Variants in RNF180 observed in about 807,000 individuals in gnomAD.
RNF180 encodes ring finger protein 180, also known as E3 ubiquitin-protein ligase RNF180.
RNF180 carries 38 observed loss-of-function variants against 59.2 expected under a neutral mutation model. The ratio of observed to expected loss-of-function variants is 0.64; its 90% confidence interval spans 0.50 to 0.84. The LOEUF (loss-of-function observed/expected upper bound fraction) is 0.84, where lower values mean the gene tolerates loss of function less well. Ranked by LOEUF, RNF180 falls within the 40% of genes least tolerant of loss-of-function variation. The pLI, the probability that RNF180 is intolerant of heterozygous loss-of-function variation, is 0.00. For synonymous variants in RNF180, 262 were observed against 240.3 expected (o/e 1.09, Z -0.84); for missense variants, 705 against 700.9 (o/e 1.01, Z -0.07).
chr5:64,349,410 C>CT (rs57419146), intron 7 of RNF180, among the ~76,000 whole-genome samples: 32,995 of 139,118 alleles, frequency 0.24, 4,391 homozygotes, highest in African/African-American at 0.38. Context: ...AGTCTTCTTT[C>CT]TTTTTTTTTT....
At chr5:64,260,696 G>C (rs555168536) in intron 5 of RNF180, among the ~76,000 whole-genome samples, 3 of 152,100 alleles carry the variant, frequency 2.0e-5, no homozygotes, top group South Asian at 2.1e-4. Flanking sequence ...TCAATTTAGG[G>C]TTGAACCATG....
chr5:64,248,595 G>A (rs1414109783), intron 5 of RNF180, among the ~76,000 whole-genome samples: 1 of 152,176 alleles, frequency 6.6e-6, no homozygotes, highest in Non-Finnish European at 1.5e-5. Flanking sequence ...TCATTAAAAA[G>A]TCAGGAATCA....
In RNF180 at chr5:64,364,667, A is replaced by G. The variant is rs915937827; in HGVS notation, c.1580-4948A>G. 2.0e-5 allele frequency among the ~76,000 whole-genome samples: 3 copies of G among 151,746 alleles called. No homozygotes were observed. The South Asian group carries it at 6.2e-4, about 31-fold the overall frequency. On this transcript the variant is annotated intron_variant, in intron 7 of 7. Transcript: ENST00000389100. ...GGAATGGTACCAGCATTCTTTGTAT[A>G]TCTTACAGAATTTGGCTGTGAATCA...
intron 7 of RNF180, among the ~76,000 whole-genome samples, chr5:64,331,977 A>G (rs1431318887): frequency 6.6e-6 from 1 of 152,068 alleles, no homozygotes; most frequent in Non-Finnish European, 1.5e-5. Flanking sequence ...AGCCACACAC[A>G]GAGCCAACAC....
chr5:64,175,379 G>A (rs1750180641), intron 1 of RNF180, among the ~76,000 whole-genome samples: 1 of 152,264 alleles, frequency 6.6e-6, no homozygotes, highest in African/African-American at 2.4e-5. Context: ...TTAAGAGACA[G>A]TCCTTTTCCT....
At chr5:64,247,463 C>A (rs912118058) in intron 5 of RNF180, among the ~76,000 whole-genome samples, 1 of 152,206 alleles carries the variant, frequency 6.6e-6, no homozygotes, top group African/African-American at 2.4e-5. Context: ...TTCCTATACA[C>A]CAATAATAGA....
intron 5 of RNF180, among the ~76,000 whole-genome samples, chr5:64,238,435 A>G (rs2112226706): frequency 6.6e-6 from 1 of 152,308 alleles, no homozygotes; most frequent in Non-Finnish European, 1.5e-5. Context: ...TAGTGGCTAT[A>G]CCATTTTTCA....
intron 5 of RNF180, among the ~76,000 whole-genome samples, chr5:64,324,047 A>G (rs1379816903): frequency 1.3e-5 from 2 of 152,198 alleles, no homozygotes; most frequent in Non-Finnish European, 2.9e-5. Flanking sequence ...GCGAAATAAC[A>G]CCACCAATTT....
intron 5 of RNF180, among the ~76,000 whole-genome samples, chr5:64,296,660 A>C (rs1398905368): frequency 6.6e-6 from 1 of 150,882 alleles, no homozygotes; most frequent in East Asian, 1.9e-4. Context: ...CTAGGGTCAA[A>C]AAAAAAAAAG....
At chr5:64,183,650 C>G (rs530478108) in intron 1 of RNF180, among the ~76,000 whole-genome samples, 1 of 152,092 alleles carries the variant, frequency 6.6e-6, no homozygotes, top group Admixed American at 6.5e-5. Context: ...GTTTCACCTT[C>G]TTGGCCAGGC....
At chr5:64,232,127 G>A (rs960872785) in intron 5 of RNF180, among the ~76,000 whole-genome samples, 1 of 152,110 alleles carries the variant, frequency 6.6e-6, no homozygotes, top group Admixed American at 6.5e-5. Flanking sequence ...GAATGTAATG[G>A]CTTCACCTTT....
chr5:64,224,815 G>C (rs1741577519), intron 5 of RNF180, among the ~76,000 whole-genome samples: 1 of 152,170 alleles, frequency 6.6e-6, no homozygotes, highest in South Asian at 2.1e-4. Flanking sequence ...AGGATAATTA[G>C]GCCTGAGGAC....
intron 5 of RNF180, among the ~76,000 whole-genome samples, chr5:64,300,350 G>A (rs369985378): frequency 4.0e-5 from 6 of 151,782 alleles, no homozygotes; most frequent in Non-Finnish European, 5.9e-5. Flanking sequence ...CTGACTTAAC[G>A]ATGGTTAGAC....
At chr5:64,242,777 CATT>C (rs1435858795) in intron 5 of RNF180, among the ~76,000 whole-genome samples, 3 of 152,200 alleles carry the variant, frequency 2.0e-5, no homozygotes, top group African/African-American at 4.8e-5. Flanking sequence ...ATAATAATCA[CATT>C]ATTGGGATCC....
chr5:64,247,113 CAAAAT>C (rs989946925), intron 5 of RNF180, among the ~76,000 whole-genome samples: 3 of 152,116 alleles, frequency 2.0e-5, no homozygotes, highest in African/African-American at 7.2e-5. Flanking sequence ...GAACATATCT[CAAAAT>C]AATAAGAGCT....
intron 5 of RNF180, among the ~76,000 whole-genome samples, chr5:64,302,773 C>T (rs1331556397): frequency 1.3e-5 from 2 of 151,632 alleles, no homozygotes; most frequent in African/African-American, 4.8e-5. Context: ...TTCCCCTGAT[C>T]TACTTTTGTC....
intron 1 of RNF180, among the ~76,000 whole-genome samples, chr5:64,177,028 C>T (rs758323105): frequency 6.6e-6 from 1 of 152,180 alleles, no homozygotes; most frequent in Non-Finnish European, 1.5e-5. Flanking sequence ...AGGAGAACTT[C>T]TATCTTTCTG....
At chr5:64,230,047 C>T (rs1293327065) in intron 5 of RNF180, among the ~76,000 whole-genome samples, 1 of 151,904 alleles carries the variant, frequency 6.6e-6, no homozygotes, top group Non-Finnish European at 1.5e-5. Context: ...TTTCTGGTTG[C>T]TGAATTTTTC....
chr5:64,219,383 G>A lies in RNF180; in HGVS notation c.1227+1987G>A, dbSNP rs549922482. Among the ~76,000 whole-genome samples the A allele has an allele frequency of 1.2e-4, 18 of 151,656 alleles. 1 individual carries two copies. The highest frequency in any genetic ancestry group is 9.9e-4 in the Admixed American group (15 of 15,196). On this transcript the variant is annotated intron_variant, in intron 5 of 7. Coordinates refer to ENST00000389100, the MANE Select transcript of RNF180 (RefSeq NM_001113561.2). ...ATTTTTGAGGATTTTTTATGCCTCC[G>A]TCGTTGAAGAATATTAGTCTGAAAT...
Sources: allele counts gnomAD v4.1 joint callset (sites outside exome capture counted in the v4.1 genomes callset), GRCh38; gene constraint gnomAD v4.1.1; transcripts MANE v1.5; gene names NCBI Gene and HGNC (gene_info 2026-07-23, HGNC 2026-07-21).